Variants in RASGEF1C observed in about 807,000 individuals in gnomAD.
The protein encoded by RASGEF1C is RasGEF domain family member 1C, also known as ras-GEF domain-containing family member 1C.
Under a neutral mutation model 58.1 loss-of-function variants are expected in RASGEF1C, and 27 were observed. That is an observed-to-expected ratio of 0.46 (90% confidence interval 0.34 to 0.64). The LOEUF (loss-of-function observed/expected upper bound fraction) is 0.64, where lower values mean the gene tolerates loss of function less well. Ranked by LOEUF, RASGEF1C falls within the 30% of genes least tolerant of loss-of-function variation. The pLI is 0.01. For synonymous variants in RASGEF1C, 243 were observed against 246.3 expected (o/e 0.99, Z 0.13); for missense variants, 502 against 605.1 (o/e 0.83, Z 1.79).
intron 7 of RASGEF1C, among the ~76,000 whole-genome samples, chr5:180,119,754 C>T (rs1766135969): frequency 6.6e-6 from 1 of 152,096 alleles, no homozygotes; most frequent in Admixed American, 6.5e-5. Flanking sequence ...GGGCCCAGCT[C>T]CCACCCCACT....
At position 180,118,773 on chromosome 5, in the gene RASGEF1C, G is replaced by GC; in HGVS notation, c.987+13dup. ...ATGGCCGGAGGCACCCGGCAGCCCAGCAGCCTCATTTACCTCGAGGATGAA... is the reference window on the plus strand; with the variant it reads ...ATGGCCGGAGGCACCCGGCAGCCCAGCCAGCCTCATTTACCTCGAGGATGAA... On this transcript the variant is annotated intron_variant, in intron 9 of 13. Coordinates refer to ENST00000361132, the MANE Select transcript of RASGEF1C (RefSeq NM_175062.4). 6.2e-7 allele frequency: 1 copy of GC among 1,614,162 alleles called. No individual in the cohort carries two copies. Among genetic ancestry groups the GC allele is most frequent in the South Asian group, 1.1e-5 (1 of 91,088 alleles).
chr5:180,162,508 G>GC (rs1766958373), intron 1 of RASGEF1C, among the ~76,000 whole-genome samples: 1 of 152,222 alleles, frequency 6.6e-6, no homozygotes, highest in Non-Finnish European at 1.5e-5. Flanking sequence ...GCAGACCCAG[G>GC]CGGCAGCCTC....
intron 1 of RASGEF1C, among the ~76,000 whole-genome samples, chr5:180,160,619 G>A (rs1322376794): frequency 1.3e-5 from 2 of 152,074 alleles, no homozygotes; most frequent in East Asian, 3.9e-4. Flanking sequence ...ATCTCAGTAG[G>A]CCACACACAA....
At chr5:180,165,750 CTTT>C (rs372734323) in intron 1 of RASGEF1C, among the ~76,000 whole-genome samples, 9 of 107,392 alleles carry the variant, frequency 8.4e-5, no homozygotes, top group South Asian at 6.5e-4. Context: ...TTAATTTTTC[CTTT>C]TTTTTTTTTT....
At chr5:180,176,704 CTG>C (rs1767231623) in intron 1 of RASGEF1C, among the ~76,000 whole-genome samples, 2 of 152,034 alleles carry the variant, frequency 1.3e-5, no homozygotes, top group South Asian at 2.1e-4. Context: ...CTATAGGCGT[CTG>C]CCACCATGCC....
At position 180,207,195 on chromosome 5, in the gene RASGEF1C, T is replaced by G. The variant is rs545003969; in HGVS notation, c.-7+1833A>C. On this transcript the variant is annotated intron_variant, in intron 1 of 13. Coordinates refer to ENST00000361132, the MANE Select transcript of RASGEF1C (RefSeq NM_175062.4). ...GCTGACCTAGCAGGTTTTGGTTGGC[T>G]TCGGTGTGGATGCAGTCATTCTGAA... Among the ~76,000 whole-genome samples the G allele has an allele frequency of 2.4e-3, 371 of 152,324 alleles. 1 individual carries two copies. The highest frequency in any genetic ancestry group is 8.4e-3 in the African/African-American group (349 of 41,562).
Position 180,101,493 on chromosome 5 carries a change from C to G in RASGEF1C, c.*8G>C. ...TCCAGCTCTTCCTCGTCCCTCAGCT[C>G]AGCGCTTTCATGTCTTCCCCAAAAT... On this transcript the variant is annotated 3_prime_UTR_variant, in exon 14 of 14. Coordinates refer to ENST00000361132, the MANE Select transcript of RASGEF1C (RefSeq NM_175062.4). 1 of 1,611,218 alleles carries G rather than the reference C, an allele frequency of 6.2e-7. No individual in the cohort carries two copies. The highest frequency in any genetic ancestry group is 8.5e-7 in the Non-Finnish European group (1 of 1,179,954).
chr5:180,174,516 G>A (rs62406135), intron 1 of RASGEF1C, among the ~76,000 whole-genome samples: 31,148 of 149,068 alleles, frequency 0.21, 3,157 homozygotes, highest in Non-Finnish European at 0.23. Flanking sequence ...GTGCGTGCGC[G>A]TACACACGTG....
chr5:180,142,254 C>T (rs1226697525), intron 1 of RASGEF1C, among the ~76,000 whole-genome samples: 2 of 152,152 alleles, frequency 1.3e-5, no homozygotes, highest in African/African-American at 4.8e-5. Flanking sequence ...GGTGTGGCTG[C>T]TCCCGTGGGG....
chr5:180,151,335 A>G (rs1766742543), intron 1 of RASGEF1C, among the ~76,000 whole-genome samples: 1 of 152,218 alleles, frequency 6.6e-6, no homozygotes. Context: ...AGGCTACAGT[A>G]ACCAAAACAG....
In RASGEF1C at chr5:180,184,041, G is replaced by A. The variant is rs146435177; in HGVS notation, c.-7+24987C>T. 1.6e-3 allele frequency among the ~76,000 whole-genome samples: 240 copies of A among 151,808 alleles called. 1 individual carries two copies. The highest frequency in any genetic ancestry group is 5.5e-3 in the African/African-American group (229 of 41,414). On this transcript the variant is annotated intron_variant, in intron 1 of 13. Coordinates refer to ENST00000361132, the MANE Select transcript of RASGEF1C (RefSeq NM_175062.4). ...ACAAAAATTAGCCGGGTGTGGTGAC[G>A]CATGCCCAGCTACTCAGGAGGCTGA...
At chr5:180,131,528 G>C (rs955169297) in intron 4 of RASGEF1C, among the ~76,000 whole-genome samples, 2 of 152,226 alleles carry the variant, frequency 1.3e-5, no homozygotes, top group African/African-American at 4.8e-5. Flanking sequence ...AGAGCTGTCA[G>C]GGAAATGATT....
chr5:180,180,743 T>C (rs537302323), intron 1 of RASGEF1C, among the ~76,000 whole-genome samples: 1 of 152,216 alleles, frequency 6.6e-6, no homozygotes, highest in Admixed American at 6.5e-5. Context: ...TTTACTGGAG[T>C]ATAACCTACA....
At chr5:180,101,769 G>C (rs560279636) in intron 13 of RASGEF1C, among the ~76,000 whole-genome samples, 23 of 152,338 alleles carry the variant, frequency 1.5e-4, no homozygotes, top group African/African-American at 5.3e-4. Context: ...CCACTGTCTG[G>C]CATACAAATA....
rs774116646 is a variant in RASGEF1C, at chr5:180,136,506, G to A, written c.310C>T (p.Arg104Trp). Reference protein sequence around the residue: ...DKPVLDKARVRKFGPKLLQLL... With the variant: ...DKPVLDKARVWKFGPKLLQLL... ...TGCAGCAGTTTGGGGCCGAACTTCC[G>A]GACCCGGGCCTACGGGCAAGCGAGG... The change falls in exon 4 of 14, where the codon CGG becomes TGG. Residue 104 changes from arginine (R) to tryptophan (W), a missense_variant. By Grantham distance (101) the Arg-to-Trp change is moderately radical. Transcript: ENST00000361132. 9 of 1,570,880 alleles carry A rather than the reference G, an allele frequency of 5.7e-6. No homozygotes were observed. The highest frequency in any genetic ancestry group is 4.1e-5 in the African/African-American group (3 of 73,988).
At chr5:180,106,694 A>G (rs1765879019) in intron 12 of RASGEF1C, among the ~76,000 whole-genome samples, 1 of 152,116 alleles carries the variant, frequency 6.6e-6, no homozygotes, top group South Asian at 2.1e-4. Flanking sequence ...AGGAGATGGT[A>G]TATTTTGGTC....
In RASGEF1C at chr5:180,135,758, T is replaced by C. The variant is rs541202057; in HGVS notation, c.438+620A>G. 7.2e-5 allele frequency among the ~76,000 whole-genome samples: 11 copies of C among 152,338 alleles called. No homozygotes were observed. In the East Asian group the frequency reaches 1.3e-3, roughly 19 times the overall value. ...AGGCCTCCCAAGCCGCTGGGGTTCC[T>C]GAGGGCAAGGGCCGTGTTTACCTGG... On this transcript the variant is annotated intron_variant, in intron 4 of 13. Coordinates refer to ENST00000361132, the MANE Select transcript of RASGEF1C (RefSeq NM_175062.4).
intron 12 of RASGEF1C, among the ~76,000 whole-genome samples, chr5:180,106,620 T>C (rs1375287612): frequency 6.6e-6 from 1 of 152,232 alleles, no homozygotes; most frequent in Non-Finnish European, 1.5e-5. Context: ...CCCACTGTGG[T>C]TGAAGAACAT....
chr5:180,115,266 G>C (rs755082962), intron 10 of RASGEF1C: 1 of 434,286 alleles, frequency 2.3e-6, no homozygotes, highest in Non-Finnish European at 4.5e-6. Flanking sequence ...TGCTCGCCTC[G>C]GCCTCCCAAG....
Sources: gnomAD v4.1 joint callset for allele counts (sites outside exome capture counted in the v4.1 genomes callset) on GRCh38, gnomAD v4.1.1 for gene constraint, MANE v1.5 for transcripts, NCBI Gene and HGNC (gene_info 2026-07-23, HGNC 2026-07-21) for gene names.